The following ABRAXAS1 variants were observed in gnomAD, a reference collection of about 807,000 sequenced individuals.
ABRAXAS1 encodes BRCA1-A complex subunit Abraxas 1.
A neutral mutation model predicts 38.4 loss-of-function variants in ABRAXAS1; 26 were observed. The observed-to-expected ratio is 0.68, with a 90% CI of 0.50 to 0.94. ABRAXAS1 has a LOEUF of 0.94. Among genes scored for constraint, ABRAXAS1 ranks in the 40% least tolerant of loss-of-function variants. ABRAXAS1 has a pLI of 0.00. For synonymous variants in ABRAXAS1, 144 were observed against 165.5 expected, an observed-to-expected ratio of 0.87 and a Z score of 1.00; for missense variants, 438 against 481.9, an observed-to-expected ratio of 0.91 and a Z score of 0.85.
At chr4:83,484,839 G>A (rs373142594) in intron 1 of ABRAXAS1, 147 bp downstream of exon 1, 5 of 572,758 alleles carry the variant, frequency 8.7e-6, no homozygotes, top group Admixed American at 3.8e-5. Context: ...GGACCGCTGA[G>A]GGGGAGAGAA....
chr4:83,464,665 A>G (rs1722280151), intron 7 of ABRAXAS1, among the ~76,000 whole-genome samples: 1 of 152,070 alleles, frequency 6.6e-6, no homozygotes, highest in Non-Finnish European at 1.5e-5. Context: ...CCCACCTTTC[A>G]CCAGAGCTGA....
chr4:83,462,705 T>C lies in ABRAXAS1; in HGVS notation c.994A>G (p.Ile332Val). The change falls in exon 9 of 9, where the codon ATT (isoleucine) becomes GTT (valine). Residue 332 changes from isoleucine (I) to valine (V), a missense_variant. By Grantham distance (29) the Ile-to-Val change is conservative (BLOSUM62 3). Transcript: ENST00000321945. ...NLTLMVEHTD[I>V]PEASPASTPQ... is the part of the protein sequence containing the mutation. ...GTACTAGCTGGACTAGCTTCAGGAA[T>C]GTCAGTGTGTTCTACCATTAAGGTC... 15 of 1,613,822 alleles carry C rather than the reference T, an allele frequency of 9.3e-6. No homozygotes were observed. Among genetic ancestry groups the C allele is most frequent in the Non-Finnish European group, 1.3e-5 (15 of 1,180,002 alleles).
In ABRAXAS1 at chr4:83,462,128, A is replaced by G. The variant is rs757246651; in HGVS notation, c.*341T>C. On this transcript the variant is annotated 3_prime_UTR_variant, in exon 9 of 9. Transcript: ENST00000321945. ...GGCTGGTCTCTAACTCCTAACTTCA[A>G]TCAATCCTCCTGACTTGTCTTCCCT... The G allele has an allele frequency of 4.7e-5, 12 of 257,562 alleles. No homozygotes were observed. The highest frequency in any genetic ancestry group is 6.7e-5 in the Non-Finnish European group (9 of 135,072). The allele number at this position is 257,562 out of a possible 1,614,324, so 16.0% of individuals were successfully genotyped here.
chr4:83,483,637 T>C (rs186190739), intron 1 of ABRAXAS1, among the ~76,000 whole-genome samples: 159 of 152,260 alleles, frequency 1.0e-3, no homozygotes, highest in African/African-American at 3.6e-3. Context: ...ATAATGTGAG[T>C]CTTTACTGGA....
intron 6 of ABRAXAS1, among the ~76,000 whole-genome samples, chr4:83,468,311 G>GAA (rs56262938): frequency 1.1e-4 from 13 of 123,788 alleles, no homozygotes; most frequent in Admixed American, 1.6e-4. Context: ...GTCTTTAAAA[G>GAA]AAAAAAAAAA....
Position 83,477,935 on chromosome 4 carries a change from G to T in ABRAXAS1, c.179-1256C>A. The T allele has an allele frequency of 3.6e-6, 3 of 827,732 alleles. No individual in the cohort carries two copies. In the South Asian group the frequency reaches 3.9e-5, roughly 11 times the overall value. The allele number at this position is 827,732 out of a possible 1,614,324, so 51.3% of individuals were successfully genotyped here. On this transcript the variant is annotated intron_variant, in intron 2 of 8. Transcript: ENST00000321945. Reference sequence around the variant, plus strand: ...ATTTTCCACTATAGCCAATCCCACCGATGTTCTAAAGATTCGAATGCAGGC... The same window carrying T: ...ATTTTCCACTATAGCCAATCCCACCTATGTTCTAAAGATTCGAATGCAGGC...
intron 2 of ABRAXAS1, 95 bp downstream of exon 2, chr4:83,482,059 T>C: frequency 2.5e-6 from 2 of 806,536 alleles, no homozygotes. Flanking sequence ...TATTTCCTAA[T>C]TTAAAAATAA....
At chr4:83,484,572 G>A (rs1233528999) in intron 1 of ABRAXAS1, among the ~76,000 whole-genome samples, 1 of 152,228 alleles carries the variant, frequency 6.6e-6, no homozygotes, top group Non-Finnish European at 1.5e-5. Context: ...ACGCTGCTCT[G>A]CATGAAAAAG....
At chr4:83,481,063 C>T (rs966576185) in intron 2 of ABRAXAS1, among the ~76,000 whole-genome samples, 23 of 151,478 alleles carry the variant, frequency 1.5e-4, no homozygotes, top group Admixed American at 1.3e-3. Context: ...ACCTGGGAGG[C>T]GGAGGTTGCA....
chr4:83,474,863 T>TA (rs1722711654), intron 3 of ABRAXAS1, among the ~76,000 whole-genome samples: 2 of 152,170 alleles, frequency 1.3e-5, no homozygotes, highest in Admixed American at 1.3e-4. Flanking sequence ...AAGAAATCCT[T>TA]ATTCTTCTCA....
intron 2 of ABRAXAS1, among the ~76,000 whole-genome samples, chr4:83,477,019 TA>T (rs1439427257): frequency 6.6e-6 from 1 of 152,232 alleles, no homozygotes; most frequent in Non-Finnish European, 1.5e-5. Flanking sequence ...CACCGAGTTC[TA>T]AAAAGGCTGT....
chr4:83,461,861 T>G lies in ABRAXAS1; in HGVS notation c.*608A>C, dbSNP rs1722131378. On this transcript the variant is annotated 3_prime_UTR_variant, in exon 9 of 9. Coordinates refer to ENST00000321945, the MANE Select transcript of ABRAXAS1 (RefSeq NM_139076.3). ...GTGTAATAATTAAGGCTGCCAGATT[T>G]AGCAAGTACAAATGTAGGACAAATT... The G allele has an allele frequency of 4.4e-6, 1 of 228,236 alleles. No homozygotes were observed. Among genetic ancestry groups the G allele is most frequent in the South Asian group, 1.8e-4 (1 of 5,514 alleles). 14.1% of individuals were successfully genotyped at this position (228,236 alleles called of 1,614,324 possible).
intron 3 of ABRAXAS1, among the ~76,000 whole-genome samples, chr4:83,474,771 T>C (rs915143647): frequency 1.3e-5 from 2 of 150,166 alleles, no homozygotes; most frequent in African/African-American, 2.4e-5. Context: ...AAAAACTACA[T>C]CGTGGGGCTC....
At position 83,460,694 on chromosome 4, in the gene ABRAXAS1, A is replaced by G. The variant is rs997529080; in HGVS notation, c.*1775T>C. 4 of 335,736 alleles carry G rather than the reference A, an allele frequency of 1.2e-5. No homozygotes were observed. Among genetic ancestry groups the G allele is most frequent in the African/African-American group, 2.2e-5 (1 of 45,438 alleles). 20.8% of individuals were successfully genotyped at this position (335,736 alleles called of 1,614,324 possible). A position where few individuals can be genotyped will look rare whatever the true frequency, so the allele number is the denominator to read the frequency against. On this transcript the variant is annotated 3_prime_UTR_variant, in exon 9 of 9. Transcript: ENST00000321945. ...TGAGGTGGGCAGATCACCTGAGGCC[A>G]GGAGTTCAGGACCAGCCTGGCCAAT...
chr4:83,483,474 G>A (rs893332599), intron 1 of ABRAXAS1, among the ~76,000 whole-genome samples: 1 of 151,710 alleles, frequency 6.6e-6, no homozygotes, highest in Admixed American at 6.6e-5. Context: ...GTAGACATGA[G>A]GTCTCCTTAT....
chr4:83,476,650 G>T lies in ABRAXAS1; in HGVS notation c.208C>A (p.Leu70Ile). Residue 70 changes from leucine to isoleucine, a missense_variant, in exon 3 of 9, where the codon CTT (leucine) becomes ATT (isoleucine). Physicochemically the swap from Leu to Ile is conservative, Grantham distance 5 (BLOSUM62 2). Around this residue, in one of 3 missense-constraint regions of ABRAXAS1, gnomAD observed 194 missense variants for 269.0 expected, o/e 0.72. Coordinates refer to ENST00000321945, the MANE Select transcript of ABRAXAS1 (RefSeq NM_139076.3). ...DIQKYIPCYQLFSFYNSSGEV... is the reference protein window; with the variant it reads ...DIQKYIPCYQIFSFYNSSGEV... ...ACTAGCACTACTACTTACCTAAAAA[G>T]CTGATAGCATGGAATATATTTCTGA... The T allele has an allele frequency of 6.4e-7, 1 of 1,565,498 alleles. No individual in the cohort carries two copies. The highest frequency in any genetic ancestry group is 8.8e-7 in the Non-Finnish European group (1 of 1,137,266).
At chr4:83,475,492 G>T (rs1446001924) in intron 3 of ABRAXAS1, among the ~76,000 whole-genome samples, 2 of 151,960 alleles carry the variant, frequency 1.3e-5, no homozygotes, top group African/African-American at 4.8e-5. Flanking sequence ...TGTCACCCAG[G>T]TCATGCAGTG....
chr4:83,470,462 TAAATA>T (rs969690987), intron 4 of ABRAXAS1, 66 bp from the exon 5 acceptor site: 11 of 1,127,336 alleles, frequency 9.8e-6, no homozygotes, highest in African/African-American at 4.8e-5. Context: ...CTATTATAAT[TAAATA>T]AAATAAACAA....
chr4:83,477,317 A>G (rs899716273), intron 2 of ABRAXAS1, among the ~76,000 whole-genome samples: 1 of 152,164 alleles, frequency 6.6e-6, no homozygotes, highest in Non-Finnish European at 1.5e-5. Flanking sequence ...AAAATGCTCT[A>G]AGGGCTTGCT....
Sources: allele counts gnomAD v4.1 joint callset (sites outside exome capture counted in the v4.1 genomes callset), GRCh38; gene constraint gnomAD v4.1.1; regional missense constraint gnomAD v4.1.1; transcripts MANE v1.5; gene names NCBI Gene and HGNC (gene_info 2026-07-23, HGNC 2026-07-21).